Variants in NUTM2F observed in about 807,000 individuals in gnomAD.
NUTM2F encodes the protein NUT family member 2F.
In NUTM2F, 22 loss-of-function variants were observed where a neutral mutation model predicts 43.3. That is an observed-to-expected ratio of 0.51 (90% confidence interval 0.36 to 0.73). The LOEUF is 0.73. Ranked by LOEUF, NUTM2F falls within the 30% of genes least tolerant of loss-of-function variation. The probability of loss-of-function intolerance (pLI) is 0.00; values close to 1 mark genes in which losing one functional copy is unlikely to be tolerated. For synonymous variants in NUTM2F, 202 were observed against 389.0 expected, an observed-to-expected ratio of 0.52 and a Z score of 5.66; for missense variants, 488 against 927.4, an observed-to-expected ratio of 0.53 and a Z score of 6.15.
chr9:94,323,131 G>T (rs1020184209), intron 2 of NUTM2F, among the ~76,000 whole-genome samples: 47 of 152,224 alleles, frequency 3.1e-4, no homozygotes, highest in African/African-American at 1.1e-3. Flanking sequence ...AAGCAGCCAG[G>T]CACAGCTTCC....
At chr9:94,322,635 T>C (rs1006468219) in intron 2 of NUTM2F, among the ~76,000 whole-genome samples, 2 of 152,196 alleles carry the variant, frequency 1.3e-5, no homozygotes, top group African/African-American at 4.8e-5. Context: ...TCAGTGTCAG[T>C]GTGTCAGTAT....
At position 94,320,444 on chromosome 9, in the gene NUTM2F, G is replaced by A. The variant is rs779172577; in HGVS notation, c.1132C>T (p.Pro378Ser). The part of the protein sequence containing the change: ...ETNAHLPPPR[P>S]QRPAETKVPE... ...ACCTTGGTCTCCGCTGGCCTCTGGG[G>A]CCTGGGTGGTGGCAGGTGGGCGTTG... Residue 378 changes from proline to serine, a missense_variant, in exon 5 of 7, where the codon CCC (proline) becomes TCC (serine). Physicochemically the swap from Pro to Ser is moderately conservative, Grantham distance 74. Transcript: ENST00000253262. The surrounding 1 kb of genome is among the most constrained non-coding windows in gnomAD (Gnocchi z 4.5). The A allele has an allele frequency of 1.0e-5, 16 of 1,603,684 alleles. No individual in the cohort carries two copies. In the African/African-American group the frequency reaches 2.0e-4, roughly 20 times the overall value.
intron 5 of NUTM2F, among the ~76,000 whole-genome samples, 171 bp from the exon 6 acceptor site, chr9:94,319,900 A>G (rs546042862): frequency 6.6e-6 from 1 of 152,256 alleles, no homozygotes; most frequent in East Asian, 1.9e-4. Context: ...CTCGTAGCAT[A>G]CACACATACA....
intron 2 of NUTM2F, among the ~76,000 whole-genome samples, chr9:94,324,375 A>C (rs1161205996): frequency 6.6e-6 from 1 of 151,652 alleles, no homozygotes; most frequent in African/African-American, 2.4e-5. Context: ...AATTATTGAA[A>C]GTGAAAGCCA....
intron 1 of NUTM2F, among the ~76,000 whole-genome samples, chr9:94,326,743 C>CAAA (rs763429569): frequency 1.9e-4 from 17 of 90,870 alleles, no homozygotes; most frequent in African/African-American, 6.4e-4. Flanking sequence ...GACTCCGTCT[C>CAAA]AAAAAAAAAA....
rs776331151 is a variant in NUTM2F at position 94,319,023 on chromosome 9, C to T, written c.1713G>A (p.Arg571=). 6.3e-7 allele frequency: 1 copy of T among 1,597,578 alleles called. No individual in the cohort carries two copies. The highest frequency in any genetic ancestry group is 1.1e-5 in the South Asian group (1 of 89,930). The change falls in exon 7 of 7, where the codon AGG becomes AGA. Residue 571 remains arginine (R), a synonymous_variant. Coordinates refer to ENST00000253262, the MANE Select transcript of NUTM2F (RefSeq NM_017561.2). ...GQGRVRTGMA[R]SEDPAVLLGC... ...CCAAAAGCACAGCAGGGTCTTCGGA[C>T]CTGGCCATGCCAGTGCGCACTCTGC...
Position 94,322,205 on chromosome 9 carries a change from C to T in NUTM2F, c.838G>A (p.Glu280Lys). Residue 280 changes from glutamate (E) to lysine (K), a missense_variant, in exon 3 of 7, where the codon GAA (glutamate) becomes AAA (lysine). Transcript: ENST00000253262. ...FDRMIFYEMA[E>K]KFLEFEAEEE... ...CCCCCAGGACCCCAGACTCACTTTT[C>T]CGCCATCTCGTAGAAGATCATCCGG... 6.2e-7 allele frequency: 1 copy of T among 1,612,074 alleles called. No homozygotes were observed. Among genetic ancestry groups the T allele is most frequent in the South Asian group, 1.1e-5 (1 of 90,992 alleles).
Position 94,324,396 on chromosome 9 carries a change from C to G in NUTM2F, c.713+842G>C, listed in dbSNP as rs142105938. On this transcript the variant is annotated intron_variant, in intron 2 of 6. Transcript: ENST00000253262. ...TGAAAGTGAAAGCCAGGCACGGTGGCTCATGCCTGCAATCGCAGCACTTTG... is the reference window on the plus strand; with the variant it reads ...TGAAAGTGAAAGCCAGGCACGGTGGGTCATGCCTGCAATCGCAGCACTTTG... 7.6e-3 allele frequency among the ~76,000 whole-genome samples: 1,149 copies of G among 152,070 alleles called. 12 individuals carry two copies. The highest frequency in any genetic ancestry group is 0.016 in the African/African-American group (670 of 41,494).
At position 94,320,140 on chromosome 9, in the gene NUTM2F, T is replaced by C. The variant is rs533481167; in HGVS notation, c.1368+68A>G. ...TACTGAGTAGCTAAGGAACAGAGCTTAATTCCAAGGACCTGGAAGTGCCAC... is the reference window on the plus strand; with the variant it reads ...TACTGAGTAGCTAAGGAACAGAGCTCAATTCCAAGGACCTGGAAGTGCCAC... On this transcript the variant is annotated intron_variant, in intron 5 of 6. Transcript: ENST00000253262. The surrounding 1 kb of genome is among the most constrained non-coding windows in gnomAD (Gnocchi z 4.5). The C allele has an allele frequency of 1.2e-4, 168 of 1,406,480 alleles. No individual in the cohort carries two copies. The highest frequency in any genetic ancestry group is 1.5e-4 in the Non-Finnish European group (151 of 1,011,470). 87.1% of individuals were successfully genotyped at this position (1,406,480 alleles called of 1,614,324 possible).
chr9:94,322,739 T>G (rs7851571), intron 2 of NUTM2F, among the ~76,000 whole-genome samples: 113,970 of 150,290 alleles, frequency 0.76, 43,491 homozygotes, highest in East Asian at 1. Flanking sequence ...CCAGGGCTCT[T>G]GCTCTCAGCC....
chr9:94,327,452 GC>G (rs922631354), intron 1 of NUTM2F, among the ~76,000 whole-genome samples: 6 of 138,524 alleles, frequency 4.3e-5, no homozygotes, highest in Admixed American at 1.5e-4. Flanking sequence ...GGGACAGGGA[GC>G]CCATCTCTGG....
chr9:94,324,471 G>A (rs182490806), intron 2 of NUTM2F, among the ~76,000 whole-genome samples: 121 of 147,290 alleles, frequency 8.2e-4, no homozygotes, highest in African/African-American at 2.9e-3. Context: ...GAGCATCCTG[G>A]CTAACATGGT....
rs1395189178 is a variant in NUTM2F at position 94,321,096 on chromosome 9, G to A, written c.979C>T (p.Pro327Ser). The A allele has an allele frequency of 2.1e-5, 33 of 1,547,198 alleles. No homozygotes were observed. The highest frequency in any genetic ancestry group is 2.9e-5 in the Non-Finnish European group (33 of 1,153,790). Residue 327 changes from proline to serine, a missense_variant, in exon 4 of 7, where the codon CCA becomes TCA. Transcript: ENST00000253262. ...GPPAPEVVKQ[P>S]VYLPSKDGPK... ...GTGGGAATGTGGGAAGCTGTACCTG[G>A]CTGCTTGACCACCTCAGGGGCAGGG...
intron 2 of NUTM2F, among the ~76,000 whole-genome samples, chr9:94,323,776 A>C (rs1429160665): frequency 8.5e-5 from 13 of 152,154 alleles, no homozygotes; most frequent in Admixed American, 8.5e-4. Flanking sequence ...ATACCTGCCC[A>C]GCATCGACCC....
chr9:94,319,778 T>A, intron 5 of NUTM2F, 49 bp from the exon 6 acceptor site: 1 of 1,598,550 alleles, frequency 6.3e-7, no homozygotes, highest in Non-Finnish European at 8.6e-7. Flanking sequence ...GGGAGTAACC[T>A]GGAGCCAAGG....
rs752492646 is a variant in NUTM2F at position 94,322,281 on chromosome 9, C to A, written c.762G>T (p.Glu254Asp). ...CCCGCATGGCCTGCCACAGTCCCTCCTCCAGCGTCATGGTGGGCTTCCGCC... is the reference window on the plus strand; with the variant it reads ...CCCGCATGGCCTGCCACAGTCCCTCATCCAGCGTCATGGTGGGCTTCCGCC... ...LARRKPTMTLEEGLWQAMREW... is the reference protein window; with the variant it reads ...LARRKPTMTLDEGLWQAMREW... Residue 254 changes from glutamate to aspartate, a missense_variant, in exon 3 of 7, where the codon GAG becomes GAT. By Grantham distance (45) the Glu-to-Asp change is conservative (BLOSUM62 2). Coordinates refer to ENST00000253262, the MANE Select transcript of NUTM2F (RefSeq NM_017561.2). 7 of 1,612,058 alleles carry A rather than the reference C, an allele frequency of 4.3e-6. No individual in the cohort carries two copies. The highest frequency in any genetic ancestry group is 5.9e-6 in the Non-Finnish European group (7 of 1,179,880).
chr9:94,320,811 C>G lies in NUTM2F; in HGVS notation c.983-218G>C, dbSNP rs146288854. On this transcript the variant is annotated intron_variant, in intron 4 of 6. Transcript: ENST00000253262. The surrounding 1 kb of genome is among the most constrained non-coding windows in gnomAD (Gnocchi z 4.5). ...CCACCGATATGCCGTGTACTCTCCC[C>G]GCTCATCTCTGCTTCCTGGGCAGAG... 1.2e-4 allele frequency among the ~76,000 whole-genome samples: 19 copies of G among 152,278 alleles called. No individual in the cohort carries two copies. The highest frequency in any genetic ancestry group is 5.2e-4 in the Admixed American group (8 of 15,296).
intron 2 of NUTM2F, among the ~76,000 whole-genome samples, chr9:94,322,563 A>G (rs1831391507): frequency 1.3e-5 from 2 of 152,240 alleles, no homozygotes; most frequent in African/African-American, 4.8e-5. Context: ...TATGATGTTG[A>G]CAAGCGAACT....
chr9:94,320,094 A>G lies in NUTM2F; in HGVS notation c.1368+114T>C, dbSNP rs1253563345. On this transcript the variant is annotated intron_variant, in intron 5 of 6. Transcript: ENST00000253262. This position sits in a 1 kb window ranked among gnomAD's most constrained non-coding sequence, Gnocchi z 4.5. ...ACACAGTCACATACACAGACACTCAAATCCATGGAAATACACATACTACTG... is the reference window on the plus strand; with the variant it reads ...ACACAGTCACATACACAGACACTCAGATCCATGGAAATACACATACTACTG... The G allele has an allele frequency of 1.0e-5, 9 of 895,060 alleles. No homozygotes were observed. Among genetic ancestry groups the G allele is most frequent in the Non-Finnish European group, 1.5e-5 (9 of 584,338 alleles). 55.4% of individuals were successfully genotyped at this position (895,060 alleles called of 1,614,324 possible).
Sources: gnomAD v4.1 joint callset for allele counts (sites outside exome capture counted in the v4.1 genomes callset) on GRCh38, gnomAD v4.1.1 for gene constraint, Gnocchi (gnomAD v3.1) non-coding constraint, MANE v1.5 for transcripts, NCBI Gene and HGNC (gene_info 2026-07-23, HGNC 2026-07-21) for gene names.